The following ABCG1 variants were observed in gnomAD, a reference collection of about 807,000 sequenced individuals.
ABCG1 encodes the protein ATP binding cassette subfamily G member 1, also known as ATP-binding cassette sub-family G member 1.
Under a neutral mutation model 69.2 loss-of-function variants are expected in ABCG1, and 29 were observed. That is an observed-to-expected ratio of 0.42 (90% CI 0.31 to 0.57). The LOEUF (loss-of-function observed/expected upper bound fraction) is 0.57. Ranked by LOEUF, ABCG1 falls within the 20% of genes least tolerant of loss-of-function variation. The pLI, the probability that ABCG1 is intolerant of heterozygous loss-of-function variation, is 0.15. For missense variants in ABCG1, 718 were observed against 898.1 expected (o/e 0.80, Z 2.56); for synonymous variants, 370 against 374.8 (o/e 0.99, Z 0.15).
chr21:42,266,382 G>A (rs970745218), intron 2 of ABCG1, among the ~76,000 whole-genome samples: 2 of 152,172 alleles, frequency 1.3e-5, no homozygotes, highest in African/African-American at 4.8e-5. Flanking sequence ...GATTAGGAGG[G>A]TTTGGGATCA....
At chr21:42,213,950 T>G (rs8127716), upstream of ABCG1, among the ~76,000 whole-genome samples, 7,894 of 152,194 alleles carry the variant, frequency 0.052, 654 homozygotes, top group African/African-American at 0.18. Context: ...TGATTTAAAT[T>G]ATGTGTAGCT....
intron 2 of ABCG1, chr21:42,259,567 A>T: frequency 6.7e-7 from 1 of 1,492,400 alleles, no homozygotes; most frequent in Non-Finnish European, 8.9e-7. Context: ...ATGGAGGCAA[A>T]TCGAGTGGCA....
chr21:42,229,708 A>G (rs2067873306), intron 2 of ABCG1, among the ~76,000 whole-genome samples: 2 of 151,774 alleles, frequency 1.3e-5, no homozygotes, highest in Admixed American at 6.6e-5. Flanking sequence ...TGACAGTGTG[A>G]GACTCTGTCT....
Position 42,290,040 on chromosome 21 carries a change from C to T in ABCG1, c.1225-10C>T. The T allele has an allele frequency of 6.2e-7, 1 of 1,614,136 alleles. No individual in the cohort carries two copies. The highest frequency in any genetic ancestry group is 8.5e-7 in the Non-Finnish European group (1 of 1,179,968). ...CGAACGCACTGGGTAAGATGCGGGTCTGTCCCCAGGTCCTGACACACCTGC... is the reference window on the plus strand; with the variant it reads ...CGAACGCACTGGGTAAGATGCGGGTTTGTCCCCAGGTCCTGACACACCTGC... On this transcript the variant is annotated splice_polypyrimidine_tract_variant and intron_variant, in intron 10 of 14. Coordinates refer to ENST00000398449, the MANE Select transcript of ABCG1 (RefSeq NM_016818.3).
intron 2 of ABCG1, among the ~76,000 whole-genome samples, chr21:42,236,222 C>T (rs571588457): frequency 3.3e-5 from 5 of 152,356 alleles, no homozygotes; most frequent in African/African-American, 9.6e-5. Context: ...GGCAAGGTCA[C>T]GCTTCCCGGC....
intron 5 of ABCG1, among the ~76,000 whole-genome samples, chr21:42,281,797 T>A (rs2068813769): frequency 6.6e-6 from 1 of 152,202 alleles, no homozygotes; most frequent in African/African-American, 2.4e-5. Context: ...GCACTCTGCA[T>A]CCACTCTTTC....
Position 42,296,598 on chromosome 21 carries a change from A to T in ABCG1, c.*206A>T. On this transcript the variant is annotated 3_prime_UTR_variant, in exon 15 of 15. Transcript: ENST00000398449. The surrounding 1 kb of genome is among the most constrained non-coding windows in gnomAD (Gnocchi z 5.4). Reference sequence around the variant, plus strand: ...CTCTCCATTCCCCTTTCTAGCTTTAACTAGGAAGATGTAGGCAGATTGGTG... The same window carrying T: ...CTCTCCATTCCCCTTTCTAGCTTTATCTAGGAAGATGTAGGCAGATTGGTG... 1.7e-6 allele frequency: 1 copy of T among 576,214 alleles called. No individual in the cohort carries two copies. Among genetic ancestry groups the T allele is most frequent in the Non-Finnish European group, 3.1e-6 (1 of 322,790 alleles). 35.7% of individuals were successfully genotyped at this position (576,214 alleles called of 1,614,324 possible). A position where few individuals can be genotyped will look rare whatever the true frequency, so the allele number is the denominator to read the frequency against.
intron 3 of ABCG1, 74 bp downstream of exon 3, chr21:42,271,261 C>T (rs1288435755): frequency 9.0e-6 from 8 of 892,562 alleles, no homozygotes; most frequent in African/African-American, 1.7e-5. Flanking sequence ...GGAGCTCCTT[C>T]CATCAGCCCC....
At chr21:42,243,268 G>A (rs1202702836) in intron 2 of ABCG1, among the ~76,000 whole-genome samples, 1 of 152,160 alleles carries the variant, frequency 6.6e-6, no homozygotes, top group Non-Finnish European at 1.5e-5. Context: ...CTGCAGGGAG[G>A]AGAGTTAAAG....
rs777942102 is a variant in ABCG1 at position 42,291,160 on chromosome 21, C to A, written c.1462C>A (p.Leu488Met). 1 of 1,614,154 alleles carries A rather than the reference C, an allele frequency of 6.2e-7. No individual in the cohort carries two copies. The highest frequency in any genetic ancestry group is 8.5e-7 in the Non-Finnish European group (1 of 1,179,984). The change falls in exon 12 of 15, where the codon CTG becomes ATG. Residue 488 changes from leucine to methionine, a missense_variant. Leu to Met is a conservative substitution (Grantham distance 15). Coordinates refer to ENST00000398449, the MANE Select transcript of ABCG1 (RefSeq NM_016818.3). This position sits in a 1 kb window ranked among gnomAD's most constrained non-coding sequence, Gnocchi z 6.4. Reference protein sequence around the residue: ...NYWYSLKAYYLAKTMADVPFQ... With the variant: ...NYWYSLKAYYMAKTMADVPFQ... The stretch of plus-strand genomic sequence containing the variant: ...CTGGTACAGCCTGAAGGCCTACTAC[C>A]TGGCCAAGACCATGGCAGACGTGCC...
At chr21:42,255,301 A>G (rs1449463599) in intron 2 of ABCG1, among the ~76,000 whole-genome samples, 1 of 152,034 alleles carries the variant, frequency 6.6e-6, no homozygotes, top group East Asian at 1.9e-4. Flanking sequence ...CTGTGCCTAC[A>G]TATGATAGTG....
upstream of ABCG1, chr21:42,216,241 T>C (rs541504673): frequency 5.0e-5 from 20 of 401,474 alleles, no homozygotes; most frequent in Admixed American, 2.4e-4. Flanking sequence ...CAGGTATGTC[T>C]TTATCGGCAG....
intron 14 of ABCG1, 90 bp downstream of exon 14, chr21:42,294,750 T>A (rs567463797): frequency 8.4e-7 from 1 of 1,195,116 alleles, no homozygotes; most frequent in African/African-American, 1.5e-5. Context: ...CAAAAGCCAC[T>A]CTGGGCTGCT....
At chr21:42,202,104 A>C (rs925492426) in intron 2 of ABCG1, among the ~76,000 whole-genome samples, 10 of 152,004 alleles carry the variant, frequency 6.6e-5, no homozygotes, top group Admixed American at 3.3e-4. Context: ...AGCAGCGTTT[A>C]CCCACGGATG....
upstream of ABCG1, among the ~76,000 whole-genome samples, chr21:42,214,695 G>T (rs73225418): frequency 6.6e-6 from 1 of 152,220 alleles, no homozygotes; most frequent in Non-Finnish European, 1.5e-5. Context: ...TACACTTGGG[G>T]CAGCATCTTC....
intron 13 of ABCG1, among the ~76,000 whole-genome samples, chr21:42,293,328 ACAC>A (rs2069124122): frequency 1.4e-5 from 2 of 141,722 alleles, no homozygotes; most frequent in Admixed American, 1.4e-4. Flanking sequence ...TACACACTAC[ACAC>A]CACACTACAC....
At position 42,290,034 on chromosome 21, in the gene ABCG1, G is replaced by A. The variant is rs2069025301; in HGVS notation, c.1225-16G>A. The A allele has an allele frequency of 1.2e-6, 2 of 1,614,234 alleles. No homozygotes were observed. The highest frequency in any genetic ancestry group is 1.7e-6 in the Non-Finnish European group (2 of 1,180,050). On this transcript the variant is annotated splice_polypyrimidine_tract_variant and intron_variant, in intron 10 of 14. Transcript: ENST00000398449. ...GCTTTGCGAACGCACTGGGTAAGAT[G>A]CGGGTCTGTCCCCAGGTCCTGACAC...
At chr21:42,226,002 G>C (rs138786898) in intron 2 of ABCG1, 88 bp downstream of exon 2, 3 of 1,481,866 alleles carry the variant, frequency 2.0e-6, no homozygotes, top group Non-Finnish European at 2.7e-6. Flanking sequence ...GGGTCTGGAG[G>C]TTGAGAGGCT....
intron 2 of ABCG1, among the ~76,000 whole-genome samples, chr21:42,257,332 C>G (rs1276146535): frequency 6.6e-6 from 1 of 152,232 alleles, no homozygotes; most frequent in Non-Finnish European, 1.5e-5. Flanking sequence ...GGGCTGGAGT[C>G]TATGTAGAAT....
Sources: gnomAD v4.1 joint callset for allele counts (sites outside exome capture counted in the v4.1 genomes callset) on GRCh38, gnomAD v4.1.1 for gene constraint, Gnocchi (gnomAD v3.1) non-coding constraint, MANE v1.5 for transcripts, NCBI Gene and HGNC (gene_info 2026-07-23, HGNC 2026-07-21) for gene names.